The following TRIO variants were observed in gnomAD, a reference collection of about 807,000 sequenced individuals.
The protein encoded by TRIO is trio Rho guanine nucleotide exchange factor.
Under a neutral mutation model 351.9 loss-of-function variants are expected in TRIO, and 58 were observed. The observed-to-expected ratio is 0.16, with a 90% CI of 0.13 to 0.21. The LOEUF (loss-of-function observed/expected upper bound fraction) is 0.21. TRIO is among the 10% of genes least tolerant of loss of function. The pLI, the probability that TRIO is intolerant of heterozygous loss-of-function variation, is 1.00. For synonymous variants in TRIO, 1,758 were observed against 1,595.7 expected (o/e 1.10, Z -2.42); for missense variants, 3,201 against 4,027.8 (o/e 0.79, Z 5.56).
At chr5:14,227,948 A>G (rs1266585343) in intron 1 of TRIO, among the ~76,000 whole-genome samples, 1 of 152,180 alleles carries the variant, frequency 6.6e-6, no homozygotes, top group Non-Finnish European at 1.5e-5. Context: ...CACAGTGAGG[A>G]CAGCTCATCA....
chr5:14,245,349 A>G (rs973414361), intron 1 of TRIO, among the ~76,000 whole-genome samples: 1 of 152,216 alleles, frequency 6.6e-6, no homozygotes, highest in African/African-American at 2.4e-5. Flanking sequence ...AATGTGTGTG[A>G]TAGGATCAGT....
rs749266300 is a variant in TRIO, at chr5:14,270,862, T to G, written c.195T>G (p.Val65=). Residue 65 remains valine, a synonymous_variant, in exon 2 of 57, where the codon GTT becomes GTG. Coordinates refer to ENST00000344204, the MANE Select transcript of TRIO (RefSeq NM_007118.4). ...ACGATGAAATGAAAGCTATGGATGT[T>G]TTACCAATTTTGAAGGAAAAAGTTG... is the stretch of plus-strand genomic sequence containing the variant. ...RKNDEMKAMD[V]LPILKEKVAY... 2 of 1,614,066 alleles carry G rather than the reference T, an allele frequency of 1.2e-6. No homozygotes were observed. Among genetic ancestry groups the G allele is most frequent in the Admixed American group, 1.7e-5 (1 of 60,026 alleles).
At chr5:14,396,759 C>T (rs897351817) in intron 28 of TRIO, among the ~76,000 whole-genome samples, 3 of 151,918 alleles carry the variant, frequency 2.0e-5, no homozygotes, top group African/African-American at 7.3e-5. Context: ...CATGAGCCAC[C>T]ACACCCGGCC....
intron 10 of TRIO, 69 bp from the exon 11 acceptor site, chr5:14,336,463 ATATT>A: frequency 6.7e-7 from 1 of 1,490,702 alleles, no homozygotes; most frequent in East Asian, 2.3e-5. Flanking sequence ...GTGTTGCTAT[ATATT>A]ATGGCGCCCA....
At chr5:14,395,021 C>G (rs1243168108) in intron 28 of TRIO, among the ~76,000 whole-genome samples, 3 of 152,108 alleles carry the variant, frequency 2.0e-5, no homozygotes, top group African/African-American at 4.8e-5. Flanking sequence ...CTGCCATGTT[C>G]CAGGGACTGC....
At chr5:14,207,536 A>ACG (rs1387247710) in intron 1 of TRIO, among the ~76,000 whole-genome samples, 1 of 148,918 alleles carries the variant, frequency 6.7e-6, no homozygotes, top group Non-Finnish European at 1.5e-5. Context: ...ACACACACAC[A>ACG]CACACACACA....
chr5:14,401,843 G>A (rs995675159), intron 31 of TRIO, among the ~76,000 whole-genome samples: 4 of 152,122 alleles, frequency 2.6e-5, no homozygotes, highest in Non-Finnish European at 4.4e-5. Flanking sequence ...AAGGCTTATC[G>A]AATATTGGGA....
chr5:14,481,576 G>C lies in TRIO; in HGVS notation c.6423G>C (p.Arg2141=). 3 of 1,614,078 alleles carry C rather than the reference G, an allele frequency of 1.9e-6. No individual in the cohort carries two copies. The highest frequency in any genetic ancestry group is 2.5e-6 in the Non-Finnish European group (3 of 1,180,018). ...AAGTCATGTGCATAGTACCCAGGCGGTGCAACGACATGATGAACGTGGGGC... is the reference window on the plus strand; with the variant it reads ...AAGTCATGTGCATAGTACCCAGGCGCTGCAACGACATGATGAACGTGGGGC... ...AVEVMCIVPR[R]CNDMMNVGRL... The change falls in exon 45 of 57, where the codon CGG becomes CGC. Residue 2141 remains arginine, a synonymous_variant. Transcript: ENST00000344204.
chr5:14,230,459 A>G (rs866224464), intron 1 of TRIO, among the ~76,000 whole-genome samples: 29 of 152,124 alleles, frequency 1.9e-4, no homozygotes, highest in Non-Finnish European at 5.9e-5. Context: ...ATTTCCAAAT[A>G]TAAAATGAAA....
At chr5:14,388,488 C>G in intron 23 of TRIO, 125 bp from the exon 24 acceptor site, 1 of 935,384 alleles carries the variant, frequency 1.1e-6, no homozygotes, top group Non-Finnish European at 1.6e-6. Flanking sequence ...TGATTCACCT[C>G]TCCAAAATGA....
At chr5:14,184,851 C>T (rs1790009825) in intron 1 of TRIO, among the ~76,000 whole-genome samples, 1 of 152,132 alleles carries the variant, frequency 6.6e-6, no homozygotes, top group Non-Finnish European at 1.5e-5. Context: ...CTCCTGGCGT[C>T]TGTACTCTAA....
intron 1 of TRIO, among the ~76,000 whole-genome samples, chr5:14,207,357 C>CAG (rs1360549872): frequency 7.6e-5 from 2 of 26,322 alleles, no homozygotes; most frequent in African/African-American, 1.7e-4. Context: ...CACACACACA[C>CAG]ACACAGAGCC....
chr5:14,420,187 A>T (rs988970925), intron 34 of TRIO, 166 bp downstream of exon 34: 13 of 1,042,776 alleles, frequency 1.2e-5, no homozygotes, highest in Non-Finnish European at 1.8e-5. Context: ...TCAGCACCTG[A>T]AGAGGAAATG....
intron 40 of TRIO, among the ~76,000 whole-genome samples, chr5:14,474,811 TACAGG>T (rs1473399955): frequency 6.6e-6 from 1 of 152,116 alleles, no homozygotes; most frequent in African/African-American, 2.4e-5. Flanking sequence ...TAGCTGGGCC[TACAGG>T]CACGCAGCAC....
At chr5:14,451,451 C>T (rs1017402440) in intron 34 of TRIO, among the ~76,000 whole-genome samples, 4 of 152,224 alleles carry the variant, frequency 2.6e-5, no homozygotes, top group African/African-American at 4.8e-5. Context: ...ACACCGTCAA[C>T]AGTCATAAGC....
intron 1 of TRIO, among the ~76,000 whole-genome samples, chr5:14,203,084 A>G (rs1791234462): frequency 6.6e-6 from 1 of 152,194 alleles, no homozygotes; most frequent in African/African-American, 2.4e-5. Context: ...ACCTCAGGTT[A>G]TAGTCGTAAC....
At chr5:14,197,617 T>C (rs1323544117) in intron 1 of TRIO, among the ~76,000 whole-genome samples, 1 of 152,198 alleles carries the variant, frequency 6.6e-6, no homozygotes, top group Non-Finnish European at 1.5e-5. Flanking sequence ...TCTGAGCTTC[T>C]TTACTCTATT....
chr5:14,256,572 A>G (rs1795034076), intron 1 of TRIO, among the ~76,000 whole-genome samples: 2 of 152,326 alleles, frequency 1.3e-5, no homozygotes, highest in South Asian at 2.1e-4. Context: ...ACCTTCTTAC[A>G]GGTCACATCA....
intron 10 of TRIO, among the ~76,000 whole-genome samples, chr5:14,333,525 C>T (rs967810106): frequency 1.3e-5 from 2 of 152,168 alleles, no homozygotes; most frequent in Admixed American, 1.3e-4. Context: ...TGGAGGTTTT[C>T]AATATGCAGA....
Sources: gnomAD v4.1 joint callset for allele counts (sites outside exome capture counted in the v4.1 genomes callset) on GRCh38, gnomAD v4.1.1 for gene constraint, MANE v1.5 for transcripts, NCBI Gene and HGNC (gene_info 2026-07-23, HGNC 2026-07-21) for gene names.